Variants in POLE observed in about 807,000 individuals in gnomAD.
POLE encodes DNA polymerase epsilon catalytic subunit A.
Under a neutral mutation model 279.2 loss-of-function variants are expected in POLE, and 188 were observed. The observed-to-expected ratio is 0.67, with a 90% CI of 0.60 to 0.76. The LOEUF (loss-of-function observed/expected upper bound fraction) is 0.76, where lower values mean the gene tolerates loss of function less well. Among genes scored for constraint, POLE ranks in the 30% least tolerant of loss-of-function variants. The pLI, the probability that POLE is intolerant of heterozygous loss-of-function variation, is 0.00. For missense variants in POLE, 2,703 were observed against 3,016.7 expected (o/e 0.90, Z 2.44); for synonymous variants, 1,214 against 1,172.5 (o/e 1.04, Z -0.72).
At chr12:132,677,980 C>T (rs565392102) in intron 6 of POLE, among the ~76,000 whole-genome samples, 7 of 152,096 alleles carry the variant, frequency 4.6e-5, no homozygotes, top group African/African-American at 1.7e-4. Flanking sequence ...GAGTTCGAGA[C>T]GAGCCTGGCC....
chr12:132,666,543 C>T (rs2042801031), intron 20 of POLE, among the ~76,000 whole-genome samples: 1 of 152,260 alleles, frequency 6.6e-6, no homozygotes, highest in African/African-American at 2.4e-5. Flanking sequence ...GGTCACACCA[C>T]TGTGCTCCAA....
chr12:132,664,241 T>C lies in POLE; in HGVS notation c.2562-93A>G, dbSNP rs952389869. 1 of 1,351,186 alleles carries C rather than the reference T, an allele frequency of 7.4e-7. No individual in the cohort carries two copies. The highest frequency in any genetic ancestry group is 1.4e-5 in the African/African-American group (1 of 69,178). 83.7% of individuals were successfully genotyped at this position (1,351,186 alleles called of 1,614,324 possible). A position where few individuals can be genotyped will look rare whatever the true frequency, so the allele number is the denominator to read the frequency against. On this transcript the variant is annotated intron_variant, in intron 22 of 48. Coordinates refer to ENST00000320574, the MANE Select transcript of POLE (RefSeq NM_006231.4). The surrounding 1 kb of genome is among the most constrained non-coding windows in gnomAD (Gnocchi z 5.3). ...CCTTCCCTCCTTCCTTCCTGCCCAG[T>C]GTGTGGCCTCCAGCCTTCCCTCCTT...
intron 23 of POLE, among the ~76,000 whole-genome samples, chr12:132,663,691 C>T (rs1035768474): frequency 1.3e-5 from 2 of 152,090 alleles, no homozygotes; most frequent in African/African-American, 2.4e-5. Context: ...ATGGTTTATG[C>T]GAGGTCAGCA....
intron 12 of POLE, among the ~76,000 whole-genome samples, chr12:132,674,203 G>GC (rs5744767): frequency 6.6e-6 from 1 of 151,586 alleles, no homozygotes. Context: ...AGAAAAGAAG[G>GC]CCCCCCACAC....
At position 132,624,584 on chromosome 12, in the gene POLE, A is replaced by G; in HGVS notation, c.*113T>C. 4.0e-6 allele frequency: 3 copies of G among 754,862 alleles called. No individual in the cohort carries two copies. The highest frequency in any genetic ancestry group is 7.3e-6 in the Non-Finnish European group (3 of 410,150). 46.8% of individuals were successfully genotyped at this position (754,862 alleles called of 1,614,324 possible). A position where few individuals can be genotyped will look rare whatever the true frequency, so the allele number is the denominator to read the frequency against. On this transcript the variant is annotated 3_prime_UTR_variant, in exon 49 of 49. Transcript: ENST00000320574. ...CCTCCCCGTTCCCTGGCCTGGGGTC[A>G]CAGGTTTGGACAGTCAGGGTGGTCA...
chr12:132,647,383 C>G (rs890509753), intron 32 of POLE, among the ~76,000 whole-genome samples: 2 of 151,472 alleles, frequency 1.3e-5, no homozygotes, highest in Non-Finnish European at 2.9e-5. Context: ...AGGAATAAAC[C>G]CATTTTGCCA....
chr12:132,676,283 T>A (rs2043049839), intron 9 of POLE, 79 bp from the exon 10 acceptor site: 1 of 947,944 alleles, frequency 1.1e-6, no homozygotes, highest in Non-Finnish European at 1.7e-6. Flanking sequence ...GCCCACACAC[T>A]CTGCCTAGAG....
chr12:132,637,919 C>T (rs2138498440), intron 41 of POLE, 95 bp downstream of exon 41: 14 of 1,434,718 alleles, frequency 9.8e-6, no homozygotes, highest in Non-Finnish European at 1.3e-5. Context: ...AACGACCTCC[C>T]AGCCCACCCA....
chr12:132,653,765 T>C (rs1437442124), intron 29 of POLE, among the ~76,000 whole-genome samples: 1 of 152,208 alleles, frequency 6.6e-6, no homozygotes, highest in Non-Finnish European at 1.5e-5. Flanking sequence ...ATGCTTCCAG[T>C]GTTTTGTGGT....
intron 38 of POLE, 32 bp from the exon 39 acceptor site, chr12:132,641,883 T>G: frequency 6.3e-7 from 1 of 1,591,336 alleles, no homozygotes; most frequent in African/African-American, 1.3e-5. Context: ...TCAGCCAGCA[T>G]CCTGCCAGCT....
intron 45 of POLE, among the ~76,000 whole-genome samples, chr12:132,631,635 G>A (rs762985687): frequency 1.9e-4 from 29 of 152,050 alleles, no homozygotes; most frequent in Non-Finnish European, 2.8e-4. Context: ...ACCCGCGGTC[G>A]TTATCTGGTA....
At chr12:132,640,033 C>G (rs1465512394) in intron 39 of POLE, among the ~76,000 whole-genome samples, 1 of 152,226 alleles carries the variant, frequency 6.6e-6, no homozygotes, top group African/African-American at 2.4e-5. Flanking sequence ...TGGTCAGAAA[C>G]AAGAACTTAG....
chr12:132,657,050 T>C, intron 29 of POLE, 86 bp downstream of exon 29: 1 of 1,437,402 alleles, frequency 7.0e-7, no homozygotes, highest in Non-Finnish European at 9.7e-7. Flanking sequence ...GAAGCTTCAC[T>C]ACAGCACACA....
At chr12:132,650,117 G>A (rs1593752213) in intron 29 of POLE, among the ~76,000 whole-genome samples, 1 of 152,124 alleles carries the variant, frequency 6.6e-6, no homozygotes. Flanking sequence ...GCTGAGGCAG[G>A]AGGATCACTT....
intron 1 of POLE, 57 bp downstream of exon 1, chr12:132,687,197 G>C: frequency 2.5e-6 from 3 of 1,178,136 alleles, no homozygotes; most frequent in Non-Finnish European, 1.1e-6. Context: ...AGCCGAGGAC[G>C]GCCCCATGGC....
rs371423385 is a variant in POLE, at chr12:132,634,091, T to C, written c.6004+95A>G. 163 of 1,153,606 alleles carry C rather than the reference T, an allele frequency of 1.4e-4. 1 individual carries two copies. In the African/African-American group the frequency reaches 2.2e-3, roughly 15 times the overall value. 71.5% of individuals were successfully genotyped at this position (1,153,606 alleles called of 1,614,324 possible). ...AGGCTCCGCCCGATCTGATTTTCCC[T>C]GTCTCCCTTCTTGCGATACCATGGC... On this transcript the variant is annotated intron_variant, in intron 43 of 48. Coordinates refer to ENST00000320574, the MANE Select transcript of POLE (RefSeq NM_006231.4). This position sits in a 1 kb window ranked among gnomAD's most constrained non-coding sequence, Gnocchi z 4.0.
chr12:132,642,120 A>T, intron 38 of POLE, 57 bp downstream of exon 38: 1 of 1,390,096 alleles, frequency 7.2e-7, no homozygotes, highest in Non-Finnish European at 9.9e-7. Context: ...AGAAGATGTC[A>T]CAGAATGGCA....
Position 132,643,103 on chromosome 12 carries a change from A to C in POLE, c.4552-107T>G, listed in dbSNP as rs901505627. The C allele has an allele frequency of 4.8e-6, 7 of 1,470,934 alleles. No individual in the cohort carries two copies. The African/African-American group carries it at 9.8e-5, about 21-fold the overall frequency. 91.1% of individuals were successfully genotyped at this position (1,470,934 alleles called of 1,614,324 possible). ...CGGCACTGCCAATTCAATCACGACA[A>C]GCACTCATGGGCAAAGGCCCTTGAG... On this transcript the variant is annotated intron_variant, in intron 35 of 48. Transcript: ENST00000320574.
rs2042750129 is a variant in POLE at position 132,664,554 on chromosome 12, G to T, written c.2469-92C>A. The T allele has an allele frequency of 2.1e-6, 2 of 935,320 alleles. No individual in the cohort carries two copies. Among genetic ancestry groups the T allele is most frequent in the Non-Finnish European group, 3.4e-6 (2 of 583,490 alleles). 57.9% of individuals were successfully genotyped at this position (935,320 alleles called of 1,614,324 possible). A position where few individuals can be genotyped will look rare whatever the true frequency, so the allele number is the denominator to read the frequency against. ...GAGGAGTAGGGAGGAGGAAAGGAGA[G>T]ATGCGACAGGGACAAGGGAAGCAGC... On this transcript the variant is annotated intron_variant, in intron 21 of 48. Coordinates refer to ENST00000320574, the MANE Select transcript of POLE (RefSeq NM_006231.4). The surrounding 1 kb of genome is among the most constrained non-coding windows in gnomAD (Gnocchi z 5.3).
Sources: allele counts gnomAD v4.1 joint callset (sites outside exome capture counted in the v4.1 genomes callset), GRCh38; gene constraint gnomAD v4.1.1; non-coding constraint Gnocchi (gnomAD v3.1); transcripts MANE v1.5; gene names NCBI Gene and HGNC (gene_info 2026-07-23, HGNC 2026-07-21).